The following DNAAF5 variants were observed in gnomAD, a reference collection of about 807,000 sequenced individuals.
The protein encoded by DNAAF5 is dynein axonemal assembly factor 5.
Under a neutral mutation model 75.8 loss-of-function variants are expected in DNAAF5, and 64 were observed. The ratio of observed to expected loss-of-function variants is 0.84; its 90% CI spans 0.69 to 1.04. The LOEUF is 1.04. Among genes scored for constraint, DNAAF5 ranks in the 50% least tolerant of loss-of-function variants. The probability of loss-of-function intolerance (pLI) is 0.00; values close to 1 mark genes in which losing one functional copy is unlikely to be tolerated. For synonymous variants in DNAAF5, 657 were observed against 557.2 expected, an observed-to-expected ratio of 1.18 and a Z score of -2.52; for missense variants, 1,269 against 1,178.5, an observed-to-expected ratio of 1.08 and a Z score of -1.12.
At chr7:782,686 GCC>G (rs1779009046) in intron 12 of DNAAF5, among the ~76,000 whole-genome samples, 1 of 90,210 alleles carries the variant, frequency 1.1e-5, no homozygotes, top group Non-Finnish European at 2.1e-5. Flanking sequence ...TGGCGTGGCC[GCC>G]TCCCGTCACG....
chr7:770,883 A>C, intron 9 of DNAAF5: 1 of 403,372 alleles, frequency 2.5e-6, no homozygotes, highest in Non-Finnish European at 4.6e-6. Flanking sequence ...GGTTCCCCAC[A>C]CCAAGTCTGA....
intron 12 of DNAAF5, among the ~76,000 whole-genome samples, chr7:781,179 C>T (rs1036599341): frequency 6.6e-6 from 1 of 152,214 alleles, no homozygotes; most frequent in Admixed American, 6.5e-5. Context: ...TCCCCCGGCC[C>T]CATTCCTCTT....
chr7:776,863 C>T (rs1247973353), intron 11 of DNAAF5, among the ~76,000 whole-genome samples: 2 of 152,174 alleles, frequency 1.3e-5, no homozygotes, highest in African/African-American at 2.4e-5. Flanking sequence ...GGTGGGCAAG[C>T]GAAACTTCAT....
intron 7 of DNAAF5, among the ~76,000 whole-genome samples, chr7:762,747 G>A (rs1382460635): frequency 3.3e-5 from 5 of 151,824 alleles, no homozygotes; most frequent in Admixed American, 1.3e-4. Flanking sequence ...CTGAGTAGCC[G>A]GGATTACAGG....
At chr7:751,633 G>A (rs142819408) in intron 4 of DNAAF5, among the ~76,000 whole-genome samples, 3 of 148,056 alleles carry the variant, frequency 2.0e-5, no homozygotes, top group Non-Finnish European at 4.4e-5. Context: ...GAGTGCAGTG[G>A]TGTAATCTTG....
At chr7:727,793 T>C in intron 1 of DNAAF5, 1 of 119,498 alleles carries the variant, frequency 8.4e-6, no homozygotes, top group Non-Finnish European at 1.7e-5. Context: ...CCCGCGACCC[T>C]CACCTCCCAC....
At chr7:745,624 C>T (rs1782071143) in intron 4 of DNAAF5, among the ~76,000 whole-genome samples, 1 of 152,188 alleles carries the variant, frequency 6.6e-6, no homozygotes, top group Admixed American at 6.5e-5. Flanking sequence ...TGTGCACACA[C>T]GTGTACATGT....
At position 763,730 on chromosome 7, in the gene DNAAF5, TAGTG is replaced by T. The variant is rs1331888662; in HGVS notation, c.1615-72_1615-69del. Reference sequence around the variant, plus strand: ...GTGTGGTTCTTACGCGTGAGGGGGATAGTGAGTCCCAGCAGGCAGGCAGGCTTGA... The same window carrying T: ...GTGTGGTTCTTACGCGTGAGGGGGATAGTCCCAGCAGGCAGGCAGGCTTGA... On this transcript the variant is annotated intron_variant, in intron 7 of 12. Coordinates refer to ENST00000297440, the MANE Select transcript of DNAAF5 (RefSeq NM_017802.4). 9 of 1,492,812 alleles carry T rather than the reference TAGTG, an allele frequency of 6.0e-6. No individual in the cohort carries two copies. In the African/African-American group the frequency reaches 1.2e-4, roughly 21 times the overall value. The allele number at this position is 1,492,812 out of a possible 1,614,324, so 92.5% of individuals were successfully genotyped here. A position where few individuals can be genotyped will look rare whatever the true frequency, so the allele number is the denominator to read the frequency against.
intron 11 of DNAAF5, among the ~76,000 whole-genome samples, chr7:776,586 C>G (rs1554256136): frequency 6.6e-6 from 1 of 152,196 alleles, no homozygotes; most frequent in Non-Finnish European, 1.5e-5. Flanking sequence ...GCAGCAGGAC[C>G]AGGGGCACAG....
intron 4 of DNAAF5, among the ~76,000 whole-genome samples, chr7:741,704 G>C (rs1385707576): frequency 1.3e-5 from 2 of 152,188 alleles, no homozygotes; most frequent in Non-Finnish European, 2.9e-5. Flanking sequence ...CCTCTGGCCA[G>C]CTTTATTTTA....
intron 12 of DNAAF5, among the ~76,000 whole-genome samples, chr7:782,177 C>T (rs1343573401): frequency 6.6e-6 from 1 of 152,190 alleles, no homozygotes; most frequent in African/African-American, 2.4e-5. Flanking sequence ...GGCCGCCTCC[C>T]GACACGCGGC....
chr7:773,595 G>C (rs886745508), intron 9 of DNAAF5, among the ~76,000 whole-genome samples: 10 of 152,228 alleles, frequency 6.6e-5, no homozygotes, highest in Non-Finnish European at 2.9e-5. Flanking sequence ...GACTGTCCTT[G>C]CTGGACAGAG....
chr7:755,170 A>G (rs1299297759), intron 5 of DNAAF5, among the ~76,000 whole-genome samples: 1 of 152,178 alleles, frequency 6.6e-6, no homozygotes, highest in Non-Finnish European at 1.5e-5. Context: ...CAGCATTGAC[A>G]TCTGGACTGT....
At chr7:768,940 A>C in intron 8 of DNAAF5, 2 of 567,732 alleles carry the variant, frequency 3.5e-6, no homozygotes, top group Non-Finnish European at 6.3e-6. Context: ...ACTTGGCCCA[A>C]GACTCGTGCT....
intron 2 of DNAAF5, among the ~76,000 whole-genome samples, chr7:730,921 A>T (rs933701137): frequency 1.3e-5 from 2 of 152,214 alleles, no homozygotes; most frequent in East Asian, 3.8e-4. Context: ...GCCCCTGAGG[A>T]CATCAGGCTC....
Position 763,980 on chromosome 7 carries a change from C to T in DNAAF5, c.1783+6C>T, listed in dbSNP as rs779259598. Reference sequence around the variant, plus strand: ...TGTCATCGTCGCACAGTCAGGTGAGCCGTCCCGACAGCTGGCGTGCCGTGC... The same window carrying T: ...TGTCATCGTCGCACAGTCAGGTGAGTCGTCCCGACAGCTGGCGTGCCGTGC... On this transcript the variant is annotated splice_donor_region_variant and intron_variant, in intron 8 of 12. Transcript: ENST00000297440. 8 of 1,601,306 alleles carry T rather than the reference C, an allele frequency of 5.0e-6. No homozygotes were observed. Among genetic ancestry groups the T allele is most frequent in the Non-Finnish European group, 6.8e-6 (8 of 1,179,844 alleles).
chr7:785,514 C>T lies in DNAAF5; in HGVS notation c.2432-3C>T, dbSNP rs942509376. ...ATGTTCAAGGTGTTTTTCTGTTTTA[C>T]AGAGGTCCTCAAAGAGGGCAGCGGG... On this transcript the variant is annotated splice_region_variant and splice_polypyrimidine_tract_variant and intron_variant, in intron 12 of 12. Coordinates refer to ENST00000297440, the MANE Select transcript of DNAAF5 (RefSeq NM_017802.4). The T allele has an allele frequency of 6.2e-7, 1 of 1,613,350 alleles. No individual in the cohort carries two copies.
At chr7:756,343 G>C (rs1322960492) in intron 5 of DNAAF5, among the ~76,000 whole-genome samples, 2 of 141,422 alleles carry the variant, frequency 1.4e-5, no homozygotes, top group East Asian at 4.3e-4. Context: ...GGAATCCCAC[G>C]GTGCAGAGGG....
chr7:737,599 G>T (rs886493245), intron 2 of DNAAF5, among the ~76,000 whole-genome samples: 1 of 152,156 alleles, frequency 6.6e-6, no homozygotes, highest in Non-Finnish European at 1.5e-5. Context: ...ATTTCCTGTA[G>T]GACAGGTCTG....
Sources: gnomAD v4.1 joint callset for allele counts (sites outside exome capture counted in the v4.1 genomes callset) on GRCh38, gnomAD v4.1.1 for gene constraint, MANE v1.5 for transcripts, NCBI Gene and HGNC (gene_info 2026-07-23, HGNC 2026-07-21) for gene names.